The following EPHA8 variants were observed in gnomAD, a reference collection of about 807,000 sequenced individuals.
EPHA8 encodes ephrin type-A receptor 8.
A neutral mutation model predicts 103.6 loss-of-function variants in EPHA8; 58 were observed. The ratio of observed to expected loss-of-function variants is 0.56; its 90% CI spans 0.45 to 0.70. The LOEUF (loss-of-function observed/expected upper bound fraction) is 0.70. EPHA8 is among the 30% of genes least tolerant of loss of function. EPHA8 has a pLI of 0.00. For synonymous variants in EPHA8, 559 were observed against 572.5 expected, an observed-to-expected ratio of 0.98 and a Z score of 0.34; for missense variants, 1,304 against 1,395.2, an observed-to-expected ratio of 0.93 and a Z score of 1.04.
At position 22,601,463 on chromosome 1, in the gene EPHA8, A is replaced by C; in HGVS notation, c.2893A>C (p.Met965Leu). ...GYSSLGMVLR[M>L]NAQDVRALGI... The stretch of plus-strand genomic sequence containing the variant: ...CTCCTCTCTGGGCATGGTGCTACGC[A>C]TGAACGCCCAGTGAGTGATGGGTGG... Residue 965 changes from methionine to leucine, a missense_variant, in exon 16 of 17, where the codon ATG becomes CTG. Met to Leu is a conservative substitution (Grantham distance 15). Coordinates refer to ENST00000166244, the MANE Select transcript of EPHA8 (RefSeq NM_020526.5). The C allele has an allele frequency of 6.2e-7, 1 of 1,609,546 alleles. No individual in the cohort carries two copies. Among genetic ancestry groups the C allele is most frequent in the Non-Finnish European group, 8.5e-7 (1 of 1,179,638 alleles).
rs983918251 is a variant in EPHA8 at position 22,578,168 on chromosome 1, A to G, written c.823+1288A>G. ...TATGTGTGCGTGTGTGCATGAGTGT[A>G]TGTGTGCATGTGTGTGCGTGCATGT... On this transcript the variant is annotated intron_variant, in intron 3 of 16. Transcript: ENST00000166244. Among the ~76,000 whole-genome samples the G allele has an allele frequency of 3.1e-3, 119 of 38,956 alleles. 1 individual carries two copies. The highest frequency in any genetic ancestry group is 0.024 in the East Asian group (28 of 1,170). The allele number at this position is 38,956 out of a possible 152,430, so 25.6% of individuals were successfully genotyped here.
At position 22,598,950 on chromosome 1, in the gene EPHA8, G is replaced by T. The variant is rs747216998; in HGVS notation, c.2291G>T (p.Arg764Leu). The change falls in exon 13 of 17, where the codon CGC (arginine) becomes CTC (leucine). Residue 764 changes from arginine to leucine, a missense_variant. Physicochemically the swap from Arg to Leu is moderately radical, Grantham distance 102 (BLOSUM62 -2). Coordinates refer to ENST00000166244, the MANE Select transcript of EPHA8 (RefSeq NM_020526.5). This position sits in a 1 kb window ranked among gnomAD's most constrained non-coding sequence, Gnocchi z 5.1. ...TATGTCCACCGAGACCTGGCCGCCC[G>T]CAACGTCCTGGTTGACAGCAACCTG... The part of the protein sequence containing the change: ...LGYVHRDLAA[R>L]NVLVDSNLVC... 6.2e-7 allele frequency: 1 copy of T among 1,611,406 alleles called. No homozygotes were observed. The highest frequency in any genetic ancestry group is 1.7e-5 in the Admixed American group (1 of 59,752).
chr1:22,578,534 C>A (rs111162213), intron 3 of EPHA8, among the ~76,000 whole-genome samples: 4 of 109,656 alleles, frequency 3.6e-5, no homozygotes, highest in Non-Finnish European at 7.6e-5. Context: ...TGTGCATATG[C>A]GTGCATGTGT....
Position 22,601,385 on chromosome 1 carries a change from C to G in EPHA8, c.2815C>G (p.Leu939Val), listed in dbSNP as rs758336010. The change falls in exon 16 of 17, where the codon CTG becomes GTG. Residue 939 changes from leucine to valine, a missense_variant. Transcript: ENST00000166244. ...TGGGGGCCTCACCGTGGGGGACTGG[C>G]TGGACTCCATCCGCATGGGCCGGTA... ...GGGGLTVGDW[L>V]DSIRMGRYRD... 56 of 1,611,288 alleles carry G rather than the reference C, an allele frequency of 3.5e-5. No homozygotes were observed. The highest frequency in any genetic ancestry group is 4.7e-5 in the Non-Finnish European group (56 of 1,179,682).
intron 3 of EPHA8, among the ~76,000 whole-genome samples, chr1:22,578,639 A>AT (rs1557561187): frequency 1.5e-5 from 2 of 135,702 alleles, no homozygotes; most frequent in African/African-American, 6.0e-5. Flanking sequence ...GCATGTGTGT[A>AT]TGTGTATGTG....
chr1:22,586,289 GGA>G (rs1412232231), intron 3 of EPHA8, among the ~76,000 whole-genome samples, 189 bp from the exon 4 acceptor site: 1 of 151,746 alleles, frequency 6.6e-6, no homozygotes, highest in Non-Finnish European at 1.5e-5. Context: ...GGAACCCTGT[GGA>G]AGACACAGGC....
At chr1:22,580,185 G>A (rs567018162) in intron 3 of EPHA8, among the ~76,000 whole-genome samples, 1 of 138,572 alleles carries the variant, frequency 7.2e-6, no homozygotes, top group South Asian at 2.3e-4. Context: ...TGTTGCCCAG[G>A]CTGGAGTGCA....
At chr1:22,571,236 A>G (rs553051307) in intron 2 of EPHA8, among the ~76,000 whole-genome samples, 13 of 152,346 alleles carry the variant, frequency 8.5e-5, no homozygotes, top group African/African-American at 2.6e-4. Flanking sequence ...GCGTTCTAGC[A>G]TTGCATTTGC....
intron 3 of EPHA8, among the ~76,000 whole-genome samples, chr1:22,586,182 G>A (rs571231936): frequency 6.6e-6 from 1 of 152,208 alleles, no homozygotes; most frequent in Non-Finnish European, 1.5e-5. Flanking sequence ...AATTAGAGGA[G>A]GGCTGGGGAA....
In EPHA8 at chr1:22,569,800, A is replaced by G. The variant is rs535740678; in HGVS notation, c.159+447A>G. Among the ~76,000 whole-genome samples the G allele has an allele frequency of 2.0e-5, 3 of 152,238 alleles. No individual in the cohort carries two copies. Among genetic ancestry groups the G allele is most frequent in the South Asian group, 4.1e-4 (2 of 4,820 alleles). On this transcript the variant is annotated intron_variant, in intron 2 of 16. Transcript: ENST00000166244. The surrounding 1 kb of genome is among the most constrained non-coding windows in gnomAD (Gnocchi z 4.5). ...GGTCCTGGCCACAGACTCTGGACTC[A>G]GCCTTCAGGTCGCTGTGGGTCATGT...
Position 22,576,581 on chromosome 1 carries a change from C to T in EPHA8, c.524C>T (p.Pro175Leu), listed in dbSNP as rs773673708. 3 of 1,614,100 alleles carry T rather than the reference C, an allele frequency of 1.9e-6. No homozygotes were observed. The highest frequency in any genetic ancestry group is 2.2e-5 in the South Asian group (2 of 91,082). Residue 175 changes from proline (P) to leucine (L), a missense_variant, in exon 3 of 17, where the codon CCC becomes CTC. By Grantham distance (98) the Pro-to-Leu change is moderately conservative (BLOSUM62 -3). Coordinates refer to ENST00000166244, the MANE Select transcript of EPHA8 (RefSeq NM_020526.5). The surrounding 1 kb of genome is among the most constrained non-coding windows in gnomAD (Gnocchi z 4.8). Reference protein sequence around the residue: ...KLNTEVRSVGPLSKRGFYLAF... With the variant: ...KLNTEVRSVGLLSKRGFYLAF... ...AACACGGAGGTGCGCAGTGTGGGTC[C>T]CCTCAGCAAGCGCGGCTTCTACCTG...
At chr1:22,596,632 TTTTTA>T (rs1193965225) in intron 9 of EPHA8, among the ~76,000 whole-genome samples, 3 of 151,958 alleles carry the variant, frequency 2.0e-5, no homozygotes, top group Non-Finnish European at 4.4e-5. Context: ...CTACTTTTTA[TTTTTA>T]TTTTATTTTA....
chr1:22,595,086 C>T (rs534551917), intron 7 of EPHA8, 144 bp from the exon 8 acceptor site: 149 of 557,710 alleles, frequency 2.7e-4, no homozygotes, highest in East Asian at 1.9e-3. Context: ...AACTGGCCTG[C>T]GCCCTGACTC....
rs1468612041 is a variant in EPHA8, at chr1:22,569,267, C to T, written c.95-22C>T. On this transcript the variant is annotated intron_variant, in intron 1 of 16. Transcript: ENST00000166244. The surrounding 1 kb of genome is among the most constrained non-coding windows in gnomAD (Gnocchi z 4.5). The stretch of plus-strand genomic sequence containing the variant: ...GGGAGAAGTCAGAGGGGCCTGATGC[C>T]CTCTTGTCTCCTGTTTTACAGTGAA... The T allele has an allele frequency of 5.0e-6, 8 of 1,612,892 alleles. No individual in the cohort carries two copies. Among genetic ancestry groups the T allele is most frequent in the Middle Eastern group, 1.7e-4 (1 of 6,058 alleles).
intron 5 of EPHA8, among the ~76,000 whole-genome samples, chr1:22,590,726 G>A (rs918597028): frequency 6.6e-6 from 1 of 151,332 alleles, no homozygotes; most frequent in African/African-American, 2.4e-5. Context: ...TTTTCTGGGC[G>A]GCTGTTTCAG....
intron 1 of EPHA8, among the ~76,000 whole-genome samples, chr1:22,566,493 C>G (rs908841060): frequency 3.3e-5 from 5 of 152,200 alleles, no homozygotes; most frequent in Non-Finnish European, 7.3e-5. Flanking sequence ...GTTTGATCCC[C>G]CCAGAACAGC....
Position 22,600,657 on chromosome 1 carries a change from G to A in EPHA8, c.2389-4G>A, listed in dbSNP as rs376097371. On this transcript the variant is annotated splice_region_variant and splice_polypyrimidine_tract_variant and intron_variant, in intron 13 of 16. Coordinates refer to ENST00000166244, the MANE Select transcript of EPHA8 (RefSeq NM_020526.5). ...GCCCCTCAACTCTTGTGTGTCCGTC[G>A]CAGGGCGGGAAGATCCCCATCCGCT... 46 of 1,612,766 alleles carry A rather than the reference G, an allele frequency of 2.9e-5. No individual in the cohort carries two copies. The East Asian group carries it at 4.2e-4, about 15-fold the overall frequency.
intron 3 of EPHA8, among the ~76,000 whole-genome samples, chr1:22,579,174 TGC>T (rs1199681708): frequency 6.6e-6 from 1 of 151,420 alleles, no homozygotes; most frequent in African/African-American, 2.4e-5. Flanking sequence ...TGCATGTGTG[TGC>T]ATGTGTGCGT....
rs560535546 is a variant in EPHA8 at position 22,601,248 on chromosome 1, G to T, written c.2730-52G>T. On this transcript the variant is annotated intron_variant, in intron 15 of 16. Transcript: ENST00000166244. Reference sequence around the variant, plus strand: ...CCTTCCTCAGCCTGCTTCTTCTGGGGGTCCAGCCTCCCGAACCCTCTGGCC... The same window carrying T: ...CCTTCCTCAGCCTGCTTCTTCTGGGTGTCCAGCCTCCCGAACCCTCTGGCC... 124 of 1,554,926 alleles carry T rather than the reference G, an allele frequency of 8.0e-5. 2 individuals carry two copies. The Admixed American group carries it at 2.6e-3, about 33-fold the overall frequency.
Sources: allele counts gnomAD v4.1 joint callset (sites outside exome capture counted in the v4.1 genomes callset), GRCh38; gene constraint gnomAD v4.1.1; non-coding constraint Gnocchi (gnomAD v3.1); transcripts MANE v1.5; gene names NCBI Gene and HGNC (gene_info 2026-07-23, HGNC 2026-07-21).